CDH2: variants seen among roughly 807,000 people sequenced by gnomAD.
CDH2 encodes the protein cadherin-2.
Under a neutral mutation model 92.0 loss-of-function variants are expected in CDH2, and 17 were observed. That is an observed-to-expected ratio of 0.18 (90% CI 0.13 to 0.28). The LOEUF (loss-of-function observed/expected upper bound fraction) is 0.28. Among genes scored for constraint, CDH2 ranks in the 10% least tolerant of loss-of-function variants. The probability of loss-of-function intolerance (pLI) is 1.00; values close to 1 mark genes in which losing one functional copy is unlikely to be tolerated. For missense variants in CDH2, 862 were observed against 1,133.1 expected (o/e 0.76, Z 3.44); for synonymous variants, 419 against 415.9 (o/e 1.01, Z -0.09).
intron 2 of CDH2, among the ~76,000 whole-genome samples, chr18:28,145,841 G>A (rs1170118518): frequency 6.6e-6 from 1 of 151,252 alleles, no homozygotes; most frequent in Admixed American, 6.6e-5. Flanking sequence ...AAAAAAAAAA[G>A]GCTAAAACCT....
At chr18:28,140,537 A>G (rs572293033) in intron 2 of CDH2, among the ~76,000 whole-genome samples, 60 of 151,864 alleles carry the variant, frequency 4.0e-4, no homozygotes, top group Non-Finnish European at 7.7e-4. Flanking sequence ...ACCCAGAGAC[A>G]TTCCTTGCCT....
rs28365271 is a variant in CDH2 at position 27,970,097 on chromosome 18, T to A, written c.2350-6576A>T. On this transcript the variant is annotated intron_variant, in intron 14 of 15. Transcript: ENST00000269141. ...AAGATGTCAGAAGCTATGAAGGAAG[T>A]ACTGTTGGAAGAAGGGAGGATGCAG... Among the ~76,000 whole-genome samples, 81 of 152,136 alleles carry A rather than the reference T, an allele frequency of 5.3e-4. 1 individual carries two copies. In the East Asian group the frequency reaches 0.014, roughly 26 times the overall value.
chr18:27,935,468 T>A (rs556035739), intron 6 of CDH2, among the ~76,000 whole-genome samples: 3 of 152,272 alleles, frequency 2.0e-5, no homozygotes, highest in East Asian at 3.9e-4. Context: ...TACAATCATC[T>A]CCCACTAGGC....
At chr18:28,053,061 A>G (rs1243076301) in intron 2 of CDH2, among the ~76,000 whole-genome samples, 1 of 152,174 alleles carries the variant, frequency 6.6e-6, no homozygotes, top group Admixed American at 6.5e-5. Flanking sequence ...GGACACAGCT[A>G]GAAGGCTATC....
chr18:28,137,998 T>C lies in CDH2; in HGVS notation c.172+9675A>G, dbSNP rs561526209. Among the ~76,000 whole-genome samples, 4 of 152,058 alleles carry C rather than the reference T, an allele frequency of 2.6e-5. No individual in the cohort carries two copies. The East Asian group carries it at 7.7e-4, about 29-fold the overall frequency. ...CTGTAGGCTGAAATTCATGGACTAA[T>C]TTTTGTTCATTTAATTATTTAAAGA... On this transcript the variant is annotated intron_variant, in intron 2 of 15. Transcript: ENST00000269141.
At chr18:28,054,110 G>C (rs1330513335) in intron 2 of CDH2, among the ~76,000 whole-genome samples, 1 of 152,138 alleles carries the variant, frequency 6.6e-6, no homozygotes. Flanking sequence ...GAGGAGTCAG[G>C]TGTCTGAGTC....
intron 6 of CDH2, among the ~76,000 whole-genome samples, chr18:27,943,507 C>T (rs910173107): frequency 3.3e-5 from 5 of 152,254 alleles, no homozygotes; most frequent in African/African-American, 1.2e-4. Context: ...CACACAACTA[C>T]AGCACCTTGC....
At chr18:27,961,035 A>C (rs188958976) in intron 15 of CDH2, among the ~76,000 whole-genome samples, 6 of 151,588 alleles carry the variant, frequency 4.0e-5, no homozygotes, top group Admixed American at 3.3e-4. Context: ...AAGAACAAAA[A>C]AAAAATCAAT....
chr18:28,171,222 C>CT (rs1253820106), intron 1 of CDH2, among the ~76,000 whole-genome samples: 2 of 122,856 alleles, frequency 1.6e-5, no homozygotes, highest in African/African-American at 5.9e-5. Context: ...GCGAGACTGT[C>CT]TTTAAAAAAA....
chr18:28,087,501 T>G (rs985243190), intron 2 of CDH2, among the ~76,000 whole-genome samples: 2 of 152,152 alleles, frequency 1.3e-5, no homozygotes, highest in Non-Finnish European at 2.9e-5. Context: ...ACTGGCATCG[T>G]GCCGTCCTGA....
At chr18:28,164,553 A>G (rs1050689074) in intron 1 of CDH2, among the ~76,000 whole-genome samples, 1 of 152,110 alleles carries the variant, frequency 6.6e-6, no homozygotes, top group Non-Finnish European at 1.5e-5. Flanking sequence ...ATCAACCAAT[A>G]TGGTACCATT....
At chr18:28,106,929 C>T (rs1399193331) in intron 2 of CDH2, among the ~76,000 whole-genome samples, 1 of 152,012 alleles carries the variant, frequency 6.6e-6, no homozygotes, top group Admixed American at 6.6e-5. Flanking sequence ...AAAGGGACAA[C>T]CTAATCTGGC....
chr18:28,168,233 T>C (rs766963670), intron 1 of CDH2, among the ~76,000 whole-genome samples: 1 of 151,958 alleles, frequency 6.6e-6, no homozygotes, highest in Non-Finnish European at 1.5e-5. Context: ...ACAAGTAAAA[T>C]AGTTCTAGGT....
intron 5 of CDH2, among the ~76,000 whole-genome samples, chr18:28,007,330 T>C (rs1390523030): frequency 2.6e-5 from 4 of 151,782 alleles, no homozygotes; most frequent in African/African-American, 9.7e-5. Flanking sequence ...TCAAAATCCT[T>C]TCCTCTAGAA....
chr18:28,007,163 A>T (rs1328199835), intron 5 of CDH2, among the ~76,000 whole-genome samples: 2 of 115,942 alleles, frequency 1.7e-5, no homozygotes, highest in Non-Finnish European at 1.7e-5. Flanking sequence ...CCATAAAAAA[A>T]AAATATATAT....
intron 2 of CDH2, among the ~76,000 whole-genome samples, chr18:28,093,496 G>A (rs560169621): frequency 6.6e-6 from 1 of 151,964 alleles, no homozygotes; most frequent in South Asian, 2.1e-4. Context: ...ACTCCCATAT[G>A]GAAGATACTA....
At chr18:28,150,790 C>T (rs992159855) in intron 1 of CDH2, among the ~76,000 whole-genome samples, 10 of 152,142 alleles carry the variant, frequency 6.6e-5, no homozygotes, top group Non-Finnish European at 1.5e-5. Flanking sequence ...ATTCTTCTTC[C>T]TTAAGACAAA....
chr18:28,149,767 A>G (rs1301267491), intron 1 of CDH2, among the ~76,000 whole-genome samples: 1 of 152,236 alleles, frequency 6.6e-6, no homozygotes, highest in Non-Finnish European at 1.5e-5. Flanking sequence ...TTTATCTGTA[A>G]TAATTACTTT....
chr18:27,974,903 T>C (rs2011775019), intron 14 of CDH2, among the ~76,000 whole-genome samples: 1 of 152,222 alleles, frequency 6.6e-6, no homozygotes, highest in South Asian at 2.1e-4. Flanking sequence ...GTCTTGTTTA[T>C]AAGCTACACA....
Sources: allele counts gnomAD v4.1 joint callset (sites outside exome capture counted in the v4.1 genomes callset), GRCh38; gene constraint gnomAD v4.1.1; transcripts MANE v1.5; gene names NCBI Gene and HGNC (gene_info 2026-07-23, HGNC 2026-07-21).